PBX1: variants seen among roughly 807,000 people sequenced by gnomAD.
PBX1 encodes PBX homeobox 1, also known as pre-B-cell leukemia transcription factor 1.
PBX1 carries 6 observed loss-of-function variants against 53.4 expected under a neutral mutation model. The observed-to-expected ratio is 0.11, with a 90% CI of 0.06 to 0.22. The LOEUF (loss-of-function observed/expected upper bound fraction) is 0.22. Ranked by LOEUF, PBX1 falls within the 10% of genes least tolerant of loss-of-function variation. The pLI, the probability that PBX1 is intolerant of heterozygous loss-of-function variation, is 1.00. For missense variants in PBX1, 251 were observed against 551.4 expected, an observed-to-expected ratio of 0.46 and a Z score of 5.46; for synonymous variants, 204 against 212.3, an observed-to-expected ratio of 0.96 and a Z score of 0.34.
intron 8 of PBX1, among the ~76,000 whole-genome samples, chr1:164,834,937 T>C (rs761421387): frequency 1.3e-5 from 2 of 152,238 alleles, no homozygotes; most frequent in Admixed American, 1.3e-4. Flanking sequence ...TGCAAATTAG[T>C]ATTTAATGTA....
In PBX1 at chr1:164,824,663, A is replaced by G. The variant is rs181380829; in HGVS notation, c.1200+3037A>G. Reference sequence around the variant, plus strand: ...GGATATAGTGTTATGCAAGGCCTAAAGACCCCCTTCCTTAGCCATGGTGAG... The same window carrying G: ...GGATATAGTGTTATGCAAGGCCTAAGGACCCCCTTCCTTAGCCATGGTGAG... On this transcript the variant is annotated intron_variant, in intron 8 of 8. Coordinates refer to ENST00000420696, the MANE Select transcript of PBX1 (RefSeq NM_002585.4). 9.9e-4 allele frequency among the ~76,000 whole-genome samples: 150 copies of G among 152,208 alleles called. No homozygotes were observed. In the Middle Eastern group the frequency reaches 0.02, roughly 21 times the overall value.
chr1:164,562,351 TA>T (rs1257638546), intron 1 of PBX1, among the ~76,000 whole-genome samples: 1 of 152,136 alleles, frequency 6.6e-6, no homozygotes, highest in African/African-American at 2.4e-5. Flanking sequence ...TAATAGCTGA[TA>T]TGATCAGTAT....
chr1:164,802,869 CAT>C (rs1669152845), intron 4 of PBX1, among the ~76,000 whole-genome samples: 1 of 151,408 alleles, frequency 6.6e-6, no homozygotes, highest in African/African-American at 2.4e-5. Context: ...CTATAAATAA[CAT>C]TTTTTTTTTT....
intron 2 of PBX1, among the ~76,000 whole-genome samples, chr1:164,579,657 G>A (rs1013511234): frequency 7.2e-5 from 11 of 152,166 alleles, no homozygotes; most frequent in African/African-American, 2.7e-4. Flanking sequence ...ATGCAATATA[G>A]ATGGTTAAGC....
At chr1:164,635,500 A>G (rs1486676957) in intron 2 of PBX1, among the ~76,000 whole-genome samples, 2 of 152,244 alleles carry the variant, frequency 1.3e-5, no homozygotes, top group Non-Finnish European at 2.9e-5. Flanking sequence ...GTCACTCGAC[A>G]GGCGTTTGTC....
intron 2 of PBX1, among the ~76,000 whole-genome samples, chr1:164,741,760 GT>G (rs1167692857): frequency 2.0e-5 from 3 of 151,568 alleles, no homozygotes; most frequent in Non-Finnish European, 2.9e-5. Context: ...GTGTGTGTGT[GT>G]GTGTGTGTGT....
At chr1:164,638,365 G>A (rs779974253) in intron 2 of PBX1, among the ~76,000 whole-genome samples, 42 of 152,290 alleles carry the variant, frequency 2.8e-4, no homozygotes, top group Non-Finnish European at 3.7e-4. Context: ...AAAGTGATTC[G>A]TTTCCAAACT....
intron 2 of PBX1, among the ~76,000 whole-genome samples, chr1:164,685,796 C>A (rs1381785114): frequency 6.6e-6 from 1 of 152,220 alleles, no homozygotes; most frequent in Non-Finnish European, 1.5e-5. Context: ...TGGACAGGAA[C>A]TCAGACTGTA....
At chr1:164,805,502 A>G in intron 4 of PBX1, among the ~76,000 whole-genome samples, 1 of 152,210 alleles carries the variant, frequency 6.6e-6, no homozygotes, top group East Asian at 1.9e-4. Context: ...GCATACCACC[A>G]GCTCATTCCA....
chr1:164,602,036 A>G (rs1557884606), intron 2 of PBX1, among the ~76,000 whole-genome samples: 1 of 152,152 alleles, frequency 6.6e-6, no homozygotes, highest in Non-Finnish European at 1.5e-5. Flanking sequence ...TTAAAAGGTA[A>G]TCTGTTTAGC....
At chr1:164,764,351 G>A (rs1324740029) in intron 2 of PBX1, among the ~76,000 whole-genome samples, 6 of 151,812 alleles carry the variant, frequency 4.0e-5, no homozygotes, top group Admixed American at 6.5e-5. Context: ...AGGATTTTGT[G>A]TGTATTTGTG....
rs137908031 is a variant in PBX1 at position 164,567,541 on chromosome 1, A to G, written c.265+4230A>G. Among the ~76,000 whole-genome samples, 1,498 of 152,212 alleles carry G rather than the reference A, an allele frequency of 9.8e-3. 14 individuals carry two copies. The highest frequency in any genetic ancestry group is 0.017 in the Middle Eastern group (5 of 294). ...TTACCTGATGCTATCTTTCAGGTAC[A>G]GTGTGTTAAGGCAGAAGTAATGTGG... On this transcript the variant is annotated intron_variant, in intron 2 of 8. Transcript: ENST00000420696.
chr1:164,641,078 T>C (rs1207784051), intron 2 of PBX1: 1 of 152,808 alleles, frequency 6.5e-6, no homozygotes, highest in Non-Finnish European at 1.5e-5. Context: ...ATTCTGGGAC[T>C]TTGAGCAGAA....
chr1:164,710,670 C>G (rs1417985418), intron 2 of PBX1, among the ~76,000 whole-genome samples: 1 of 152,154 alleles, frequency 6.6e-6, no homozygotes, highest in Admixed American at 6.5e-5. Context: ...CTTGGCCCCC[C>G]AAAGTGCTGG....
intron 2 of PBX1, among the ~76,000 whole-genome samples, chr1:164,873,845 G>A (rs1672438153): frequency 6.6e-6 from 1 of 152,066 alleles, no homozygotes; most frequent in Admixed American, 6.5e-5. Flanking sequence ...CAGAGCCAGT[G>A]CCCAATGACA....
At chr1:164,657,990 C>G (rs1660260900) in intron 2 of PBX1, among the ~76,000 whole-genome samples, 1 of 152,124 alleles carries the variant, frequency 6.6e-6, no homozygotes, top group African/African-American at 2.4e-5. Flanking sequence ...ATTGTTATGC[C>G]TGTGGGCATT....
At position 164,833,490 on chromosome 1, in the gene PBX1, C is replaced by T. The variant is rs17392604; in HGVS notation, c.1200+11864C>T. On this transcript the variant is annotated intron_variant, in intron 8 of 8. Coordinates refer to ENST00000420696, the MANE Select transcript of PBX1 (RefSeq NM_002585.4). ...AGTGGGCAAACATCTCATAAGCCCA[C>T]TCATCTTACGTGACCTAGCTCAGGC... is the stretch of plus-strand genomic sequence containing the variant. Among the ~76,000 whole-genome samples the T allele has an allele frequency of 7.4e-3, 1,120 of 152,306 alleles. 6 individuals carry two copies. The highest frequency in any genetic ancestry group is 9.8e-3 in the Non-Finnish European group (665 of 68,018).
chr1:164,629,439 A>G (rs1658266134), intron 2 of PBX1, among the ~76,000 whole-genome samples: 1 of 152,162 alleles, frequency 6.6e-6, no homozygotes, highest in Non-Finnish European at 1.5e-5. Flanking sequence ...TTTAAGACCC[A>G]GCAGACCTAC....
chr1:164,564,933 C>T (rs1424215999), intron 2 of PBX1, among the ~76,000 whole-genome samples: 1 of 151,762 alleles, frequency 6.6e-6, no homozygotes, highest in Non-Finnish European at 1.5e-5. Flanking sequence ...AGTATGAGTT[C>T]CTGCTGATCT....
Sources: allele counts gnomAD v4.1 joint callset (sites outside exome capture counted in the v4.1 genomes callset), GRCh38; gene constraint gnomAD v4.1.1; transcripts MANE v1.5; gene names NCBI Gene and HGNC (gene_info 2026-07-23, HGNC 2026-07-21).